Variants in SGCZ observed in about 807,000 individuals in gnomAD.
SGCZ encodes sarcoglycan zeta.
SGCZ carries 40 observed loss-of-function variants against 41.3 expected under a neutral mutation model. The observed-to-expected ratio is 0.97, with a 90% CI of 0.75 to 1.26. SGCZ has a LOEUF of 1.26. Ranked by LOEUF, SGCZ falls within the 50% of genes most tolerant of loss-of-function variation. The pLI, the probability that SGCZ is intolerant of heterozygous loss-of-function variation, is 0.00. For missense variants in SGCZ, 552 were observed against 369.8 expected (o/e 1.49, Z -4.04); for synonymous variants, 206 against 137.5 (o/e 1.50, Z -3.49).
intron 1 of SGCZ, among the ~76,000 whole-genome samples, chr8:14,664,794 A>G (rs7815426): frequency 0.34 from 51,786 of 151,952 alleles, 11,390 homozygotes; most frequent in African/African-American, 0.63. Context: ...ACTACAGTGA[A>G]TGGTTTTTCT....
At chr8:14,142,194 C>A (rs939134406) in intron 5 of SGCZ, among the ~76,000 whole-genome samples, 1 of 152,076 alleles carries the variant, frequency 6.6e-6, no homozygotes, top group Admixed American at 6.6e-5. Flanking sequence ...GGAGGGATAG[C>A]ACTGGGAGAA....
At chr8:15,233,738 C>T (rs377113512) in intron 1 of SGCZ, among the ~76,000 whole-genome samples, 3 of 151,942 alleles carry the variant, frequency 2.0e-5, no homozygotes, top group Admixed American at 1.3e-4. Context: ...ATTTTTGTAA[C>T]GTGCAAAATA....
In SGCZ at chr8:15,001,778, T is replaced by G. The variant is rs140733898; in HGVS notation, c.39+235807A>C. 2.5e-3 allele frequency among the ~76,000 whole-genome samples: 362 copies of G among 145,188 alleles called. 1 individual carries two copies. Among genetic ancestry groups the G allele is most frequent in the African/African-American group, 8.8e-3 (346 of 39,424 alleles). On this transcript the variant is annotated intron_variant, in intron 1 of 7. Transcript: ENST00000382080. Reference sequence around the variant, plus strand: ...AGAAAAAAGGAGTTGAGTGTAATAATGATTAATATTTATTAAGCACTTTCA... The same window carrying G: ...AGAAAAAAGGAGTTGAGTGTAATAAGGATTAATATTTATTAAGCACTTTCA...
At chr8:14,860,029 A>C (rs1400025782) in intron 1 of SGCZ, among the ~76,000 whole-genome samples, 4 of 152,282 alleles carry the variant, frequency 2.6e-5, no homozygotes, top group African/African-American at 9.6e-5. Context: ...ATTGATAAGA[A>C]TCAAGGAATC....
chr8:15,201,044 T>G (rs753138101), intron 1 of SGCZ, among the ~76,000 whole-genome samples: 3 of 152,186 alleles, frequency 2.0e-5, no homozygotes, highest in African/African-American at 7.2e-5. Flanking sequence ...TTAGACAAAG[T>G]CTCACTCTGT....
intron 2 of SGCZ, among the ~76,000 whole-genome samples, chr8:14,353,363 A>G (rs1037727487): frequency 6.6e-6 from 1 of 152,036 alleles, no homozygotes; most frequent in African/African-American, 2.4e-5. Context: ...AATTTCACAT[A>G]CCTGTGTAGT....
At chr8:14,897,122 A>T (rs1317469816) in intron 1 of SGCZ, among the ~76,000 whole-genome samples, 1 of 152,124 alleles carries the variant, frequency 6.6e-6, no homozygotes, top group East Asian at 1.9e-4. Context: ...TGCTTTTCAC[A>T]TCTGCAAAAA....
intron 1 of SGCZ, among the ~76,000 whole-genome samples, chr8:15,023,970 T>C (rs1007835353): frequency 2.0e-5 from 3 of 152,206 alleles, no homozygotes; most frequent in Non-Finnish European, 4.4e-5. Context: ...GAGTGCAGAA[T>C]ACAGGGACCA....
At chr8:15,054,357 C>A (rs1246276845) in intron 1 of SGCZ, among the ~76,000 whole-genome samples, 1 of 152,142 alleles carries the variant, frequency 6.6e-6, no homozygotes, top group African/African-American at 2.4e-5. Flanking sequence ...AAATATCGCT[C>A]AGGCAGAACG....
At chr8:14,638,533 T>A (rs1196671803) in intron 1 of SGCZ, among the ~76,000 whole-genome samples, 1 of 151,832 alleles carries the variant, frequency 6.6e-6, no homozygotes, top group Non-Finnish European at 1.5e-5. Flanking sequence ...CAAGACACAT[T>A]ATAAACTCCT....
chr8:15,054,316 G>A (rs1264867140), intron 1 of SGCZ, among the ~76,000 whole-genome samples: 5 of 152,126 alleles, frequency 3.3e-5, no homozygotes, highest in Non-Finnish European at 7.3e-5. Context: ...GCTCAATACA[G>A]CTTCACCCAT....
chr8:15,228,256 C>G (rs1394662453), intron 1 of SGCZ, among the ~76,000 whole-genome samples: 1 of 152,086 alleles, frequency 6.6e-6, no homozygotes, highest in Non-Finnish European at 1.5e-5. Flanking sequence ...TTGCCACAAG[C>G]CAAAAATATG....
intron 1 of SGCZ, among the ~76,000 whole-genome samples, chr8:14,992,767 ATCC>A (rs754744905): frequency 1.2e-5 from 1 of 83,800 alleles, no homozygotes; most frequent in East Asian, 3.9e-4. Flanking sequence ...CCCCTCCCCC[ATCC>A]TCCTCATTCA....
chr8:14,848,067 G>A (rs777663028), intron 1 of SGCZ, among the ~76,000 whole-genome samples: 2 of 152,030 alleles, frequency 1.3e-5, no homozygotes, highest in Non-Finnish European at 2.9e-5. Flanking sequence ...AATATTAAAT[G>A]TATTTCCATA....
At position 14,569,104 on chromosome 8, in the gene SGCZ, A is replaced by G. The variant is rs188162444; in HGVS notation, c.40-14178T>C. ...AACATCTTTCATTCTAACTTTAAATATAACCCCCATGTCTGAATCAATACT... is the reference window on the plus strand; with the variant it reads ...AACATCTTTCATTCTAACTTTAAATGTAACCCCCATGTCTGAATCAATACT... On this transcript the variant is annotated intron_variant, in intron 1 of 7. Coordinates refer to ENST00000382080, the MANE Select transcript of SGCZ (RefSeq NM_139167.4). 7.5e-4 allele frequency among the ~76,000 whole-genome samples: 114 copies of G among 152,252 alleles called. 1 individual carries two copies. The East Asian group carries it at 7.5e-3, about 10-fold the overall frequency.
intron 7 of SGCZ, among the ~76,000 whole-genome samples, chr8:14,097,699 C>G (rs914719058): frequency 2.6e-5 from 4 of 152,108 alleles, no homozygotes; most frequent in African/African-American, 9.7e-5. Flanking sequence ...GTTAAAGTCT[C>G]TCACTATTAC....
chr8:14,631,366 C>T (rs866955382), intron 1 of SGCZ, among the ~76,000 whole-genome samples: 2 of 152,002 alleles, frequency 1.3e-5, no homozygotes, highest in African/African-American at 4.8e-5. Flanking sequence ...TTGACTTGTA[C>T]TTACTCACGA....
At chr8:14,217,923 G>A (rs988526377) in intron 4 of SGCZ, among the ~76,000 whole-genome samples, 17 of 151,992 alleles carry the variant, frequency 1.1e-4, no homozygotes, top group African/African-American at 2.9e-4. Flanking sequence ...GAGCCACCAC[G>A]CCCGGCCAAC....
At chr8:14,975,077 C>A (rs1801420865) in intron 1 of SGCZ, among the ~76,000 whole-genome samples, 1 of 152,042 alleles carries the variant, frequency 6.6e-6, no homozygotes, top group African/African-American at 2.4e-5. Flanking sequence ...GAGGCCGAGG[C>A]AGGCAGATCA....
Sources: gnomAD v4.1 joint callset for allele counts (sites outside exome capture counted in the v4.1 genomes callset) on GRCh38, gnomAD v4.1.1 for gene constraint, MANE v1.5 for transcripts, NCBI Gene and HGNC (gene_info 2026-07-23, HGNC 2026-07-21) for gene names.